ARID4B: variants seen among roughly 807,000 people sequenced by gnomAD.
ARID4B encodes AT-rich interactive domain-containing protein 4B.
A neutral mutation model predicts 147.5 loss-of-function variants in ARID4B; 26 were observed. The ratio of observed to expected loss-of-function variants is 0.18; its 90% confidence interval spans 0.13 to 0.24. The LOEUF (loss-of-function observed/expected upper bound fraction) is 0.24. Ranked by LOEUF, ARID4B falls within the 10% of genes least tolerant of loss-of-function variation. The probability of loss-of-function intolerance (pLI) is 1.00; values close to 1 mark genes in which losing one functional copy is unlikely to be tolerated. For synonymous variants in ARID4B, 512 were observed against 507.9 expected (o/e 1.01, Z -0.11); for missense variants, 1,179 against 1,511.5 (o/e 0.78, Z 3.65).
intron 2 of ARID4B, among the ~76,000 whole-genome samples, chr1:235,297,688 C>T (rs1672840962): frequency 6.6e-6 from 1 of 152,046 alleles, no homozygotes; most frequent in Non-Finnish European, 1.5e-5. Context: ...AGAAAGAATA[C>T]AGCACCTCTT....
intron 19 of ARID4B, chr1:235,189,916 G>C (rs1664974400): frequency 6.5e-6 from 1 of 154,084 alleles, no homozygotes; most frequent in Non-Finnish European, 1.5e-5. Context: ...GGAGAGAACA[G>C]TAAAATGCAG....
chr1:235,304,526 A>G (rs1418481253), intron 2 of ARID4B, among the ~76,000 whole-genome samples: 1 of 152,184 alleles, frequency 6.6e-6, no homozygotes, highest in East Asian at 1.9e-4. Flanking sequence ...TTAAAAAGTG[A>G]ACTGTATCTT....
At chr1:235,215,169 T>C (rs1340795646) in intron 16 of ARID4B, among the ~76,000 whole-genome samples, 1 of 152,122 alleles carries the variant, frequency 6.6e-6, no homozygotes, top group East Asian at 1.9e-4. Context: ...ATCTTCTTAG[T>C]ACCATGTACT....
intron 16 of ARID4B, among the ~76,000 whole-genome samples, chr1:235,219,098 A>G (rs1041662804): frequency 1.4e-4 from 22 of 151,932 alleles, no homozygotes; most frequent in Non-Finnish European, 2.5e-4. Flanking sequence ...TCCCGACATC[A>G]AGTGATCTGC....
At chr1:235,196,591 A>G (rs1665503783) in intron 17 of ARID4B, among the ~76,000 whole-genome samples, 1 of 152,142 alleles carries the variant, frequency 6.6e-6, no homozygotes, top group Non-Finnish European at 1.5e-5. Context: ...AGTGGCTCAC[A>G]CCAGTAATCC....
chr1:235,223,041 T>C, intron 13 of ARID4B, 125 bp downstream of exon 13: 1 of 646,746 alleles, frequency 1.5e-6, no homozygotes. Context: ...TTCCACTTTA[T>C]CTTCTTCTTA....
intron 2 of ARID4B, among the ~76,000 whole-genome samples, chr1:235,318,770 A>T (rs886720484): frequency 6.6e-6 from 1 of 151,978 alleles, no homozygotes; most frequent in East Asian, 1.9e-4. Flanking sequence ...AATCCCATCT[A>T]CTTGGGAGCT....
At chr1:235,180,069 CA>C (rs796636528) in intron 20 of ARID4B, 18 of 132,844 alleles carry the variant, frequency 1.4e-4, no homozygotes, top group South Asian at 2.5e-4. Context: ...GACTCCATCT[CA>C]AAAAAAAAAC....
intron 19 of ARID4B, among the ~76,000 whole-genome samples, chr1:235,185,791 G>T (rs1664631940): frequency 6.6e-6 from 1 of 151,972 alleles, no homozygotes; most frequent in Admixed American, 6.6e-5. Context: ...TTGCTTAAGG[G>T]GTTATAAGCC....
intron 23 of ARID4B, among the ~76,000 whole-genome samples, chr1:235,169,960 C>T (rs997534329): frequency 2.6e-5 from 4 of 152,110 alleles, no homozygotes; most frequent in African/African-American, 9.7e-5. Flanking sequence ...TTGCGCCCGG[C>T]CTCTCTGTTA....
At chr1:235,284,592 G>A (rs1455274860) in intron 2 of ARID4B, among the ~76,000 whole-genome samples, 1 of 152,094 alleles carries the variant, frequency 6.6e-6, no homozygotes, top group Non-Finnish European at 1.5e-5. Flanking sequence ...GAAAGCTAAC[G>A]TGAGAGGATC....
intron 2 of ARID4B, among the ~76,000 whole-genome samples, chr1:235,262,982 G>A (rs1283968013): frequency 2.0e-5 from 3 of 151,972 alleles, no homozygotes; most frequent in Non-Finnish European, 2.9e-5. Flanking sequence ...ATGTTTTATA[G>A]AGAGAGAAAC....
intron 2 of ARID4B, among the ~76,000 whole-genome samples, chr1:235,264,910 A>G (rs969027019): frequency 6.6e-6 from 1 of 151,848 alleles, no homozygotes; most frequent in African/African-American, 2.4e-5. Flanking sequence ...AATATAAAAA[A>G]TTAGCCAGGC....
intron 8 of ARID4B, among the ~76,000 whole-genome samples, chr1:235,238,289 A>AT (rs1668753965): frequency 6.6e-6 from 1 of 152,210 alleles, no homozygotes. Flanking sequence ...TACCTAACAA[A>AT]TATGTGTTAA....
At chr1:235,305,249 A>G (rs998132817) in intron 2 of ARID4B, among the ~76,000 whole-genome samples, 2 of 152,170 alleles carry the variant, frequency 1.3e-5, no homozygotes, top group African/African-American at 2.4e-5. Flanking sequence ...AGCCTCTAGA[A>G]GCTGGAAAAG....
chr1:235,320,492 C>T (rs1674745805), intron 2 of ARID4B, among the ~76,000 whole-genome samples: 1 of 152,180 alleles, frequency 6.6e-6, no homozygotes, highest in African/African-American at 2.4e-5. Context: ...TGACTGATCT[C>T]CCTACTTCCA....
chr1:235,301,519 A>C (rs1292331774), intron 2 of ARID4B, among the ~76,000 whole-genome samples: 1 of 143,310 alleles, frequency 7.0e-6, no homozygotes, highest in Non-Finnish European at 1.5e-5. Context: ...AGCCGGTGAG[A>C]GTGAGACCCT....
intron 19 of ARID4B, 94 bp downstream of exon 19, chr1:235,193,919 A>C: frequency 1.1e-6 from 1 of 891,944 alleles, no homozygotes; most frequent in South Asian, 2.0e-5. Flanking sequence ...GGTAGAAAAA[A>C]CAGTAGTTGG....
chr1:235,176,362 C>G lies in ARID4B; in HGVS notation c.3449-963G>C, dbSNP rs1307444707. Among the ~76,000 whole-genome samples the G allele has an allele frequency of 3.5e-5, 5 of 140,952 alleles. No homozygotes were observed. In the East Asian group the frequency reaches 1.1e-3, roughly 30 times the overall value. 92.5% of individuals were successfully genotyped at this position (140,952 alleles called of 152,430 possible). A position where few individuals can be genotyped will look rare whatever the true frequency, so the allele number is the denominator to read the frequency against. ...TGAAAGAAAAAACACTTTAAATATC[C>G]TACCAGTTACACCAAACAATTGATG... On this transcript the variant is annotated intron_variant, in intron 21 of 23. Coordinates refer to ENST00000264183, the MANE Select transcript of ARID4B (RefSeq NM_016374.6).
Sources: gnomAD v4.1 joint callset for allele counts (sites outside exome capture counted in the v4.1 genomes callset) on GRCh38, gnomAD v4.1.1 for gene constraint, MANE v1.5 for transcripts, NCBI Gene and HGNC (gene_info 2026-07-23, HGNC 2026-07-21) for gene names.